CHRD: variants seen among roughly 807,000 people sequenced by gnomAD.
CHRD encodes the protein chordin.
In CHRD, 69 loss-of-function variants were observed where a neutral mutation model predicts 113.7. That is an observed-to-expected ratio of 0.61 (90% CI 0.50 to 0.74). The LOEUF (loss-of-function observed/expected upper bound fraction) is 0.74. Among genes scored for constraint, CHRD ranks in the 30% least tolerant of loss-of-function variants. The pLI, the probability that CHRD is intolerant of heterozygous loss-of-function variation, is 0.00. For missense variants in CHRD, 1,194 were observed against 1,295.8 expected (o/e 0.92, Z 1.21); for synonymous variants, 561 against 540.8 (o/e 1.04, Z -0.52).
rs796755397 is a variant in CHRD, at chr3:184,386,823, A to G, written c.2197-22A>G. ...GCAAGGGGCCTGGACACTCCCGTCA[A>G]TGCCTCTGCTCCTCTCTGCAGAGAC... On this transcript the variant is annotated intron_variant, in intron 16 of 22. Coordinates refer to ENST00000204604, the Ensembl canonical transcript of CHRD. 1.9e-6 allele frequency: 3 copies of G among 1,614,064 alleles called. No individual in the cohort carries two copies. In the African/African-American group the frequency reaches 4.0e-5, roughly 22 times the overall value.
intron 22 of CHRD, 41 bp downstream of exon 22, chr3:184,389,036 G>A (rs1289038548): frequency 1.4e-6 from 2 of 1,387,324 alleles, no homozygotes; most frequent in Non-Finnish European, 1.0e-6. Flanking sequence ...TGAGTGGAGG[G>A]CTCACCTGCC....
chr3:184,386,791 A>G (rs376933704), intron 16 of CHRD, 36 bp downstream of exon 16: 11 of 1,613,554 alleles, frequency 6.8e-6, no homozygotes, highest in Middle Eastern at 1.6e-4. Flanking sequence ...GGGTCCTGGG[A>G]TCTGGAGCAA....
At position 184,381,360 on chromosome 3, in the gene CHRD, C is replaced by T. The variant is rs544184044; in HGVS notation, c.378C>T (p.Pro126=). The change falls in exon 3 of 23, where the codon CCC becomes CCT. Residue 126 remains proline, a synonymous_variant. Transcript: ENST00000204604. This position sits in a 1 kb window ranked among gnomAD's most constrained non-coding sequence, Gnocchi z 4.7. ...CGGGACACTGCTGCCAGACCTGCCC[C>T]CAGGGTAAGTCTTGCTCCGCCCTGC... 3 of 1,593,892 alleles carry T rather than the reference C, an allele frequency of 1.9e-6. No homozygotes were observed. The highest frequency in any genetic ancestry group is 2.2e-5 in the South Asian group (2 of 89,098).
In CHRD at chr3:184,383,176, G is replaced by C. The variant is rs773004103; in HGVS notation, c.1213+13G>C. On this transcript the variant is annotated intron_variant, in intron 10 of 22. Transcript: ENST00000204604. The stretch of plus-strand genomic sequence containing the variant: ...AAGAGCTGCGACGGTGAGGCGGGGG[G>C]GGGGCCTGGTGCGCCGGGCATGCAC... The C allele has an allele frequency of 6.3e-7, 1 of 1,595,278 alleles. No individual in the cohort carries two copies. The highest frequency in any genetic ancestry group is 1.3e-5 in the African/African-American group (1 of 74,708).
In CHRD at chr3:184,381,137, G is replaced by A; in HGVS notation, c.253-98G>A. 1 of 1,371,662 alleles carries A rather than the reference G, an allele frequency of 7.3e-7. No individual in the cohort carries two copies. The highest frequency in any genetic ancestry group is 1.0e-6 in the Non-Finnish European group (1 of 966,024). The allele number at this position is 1,371,662 out of a possible 1,614,324, so 85.0% of individuals were successfully genotyped here. The stretch of plus-strand genomic sequence containing the variant: ...GTCTAGGGTCACGCAGCTTGTAAGT[G>A]GCAGAGCTGGCTGACTCTGCGGGAC... On this transcript the variant is annotated intron_variant, in intron 2 of 22. Transcript: ENST00000204604. This position sits in a 1 kb window ranked among gnomAD's most constrained non-coding sequence, Gnocchi z 4.7.
At chr3:184,382,155 AGG>A in intron 6 of CHRD, 135 bp downstream of exon 6, 1 of 1,305,092 alleles carries the variant, frequency 7.7e-7, no homozygotes, top group Non-Finnish European at 1.1e-6. Context: ...ATTTTACAGA[AGG>A]GGGAACTGAG....
At position 184,382,771 on chromosome 3, in the gene CHRD, G is replaced by C. The variant is rs368023006; in HGVS notation, c.979G>C (p.Gly327Arg). Residue 327 changes from glycine (G) to arginine (R), a missense_variant, in exon 8 of 23, where the codon GGG (glycine) becomes CGG (arginine). By Grantham distance (125) the Gly-to-Arg change is moderately radical. Coordinates refer to ENST00000204604, the Ensembl canonical transcript of CHRD. ...CCGAGGGCTGCTGGAACCCAGGAGTGGGGGTAAGTGGGATGGGGGCAAAAC... is the reference window on the plus strand; with the variant it reads ...CCGAGGGCTGCTGGAACCCAGGAGTCGGGGTAAGTGGGATGGGGGCAAAAC... The C allele has an allele frequency of 2.5e-5, 40 of 1,613,702 alleles. No individual in the cohort carries two copies. The highest frequency in any genetic ancestry group is 1.6e-4 in the Middle Eastern group (1 of 6,082).
rs1716028068 is a variant in CHRD, at chr3:184,384,807, C to T, written c.1597+114C>T. On this transcript the variant is annotated intron_variant, in intron 13 of 22. Transcript: ENST00000204604. The surrounding 1 kb of genome is among the most constrained non-coding windows in gnomAD (Gnocchi z 4.4). ...TTTGTGCCTAAGCTCCGGTTGCCAT[C>T]TGAAGGTGGGGACATATAGGGTGGC... 7.2e-7 allele frequency: 1 copy of T among 1,395,312 alleles called. No individual in the cohort carries two copies. Among genetic ancestry groups the T allele is most frequent in the African/African-American group, 1.4e-5 (1 of 69,346 alleles). The allele number at this position is 1,395,312 out of a possible 1,614,324, so 86.4% of individuals were successfully genotyped here.
Position 184,380,830 on chromosome 3 carries a change from G to A in CHRD, c.252+35G>A, listed in dbSNP as rs767385245. On this transcript the variant is annotated intron_variant, in intron 2 of 22. Coordinates refer to ENST00000204604, the Ensembl canonical transcript of CHRD. The surrounding 1 kb of genome is among the most constrained non-coding windows in gnomAD (Gnocchi z 6.3). ...CCCCGCGGCCGGCCCGGGCCCTGGC[G>A]GGTGGGGAGCGCCGGGTCGCGCGGG... 1.3e-6 allele frequency: 2 copies of A among 1,503,258 alleles called. No individual in the cohort carries two copies. The highest frequency in any genetic ancestry group is 1.4e-5 in the African/African-American group (1 of 72,474). 93.1% of individuals were successfully genotyped at this position (1,503,258 alleles called of 1,614,324 possible).
Position 184,388,533 on chromosome 3 carries a change from C to T in CHRD, c.2555-54C>T, listed in dbSNP as rs1716736371. 3 of 1,563,278 alleles carry T rather than the reference C, an allele frequency of 1.9e-6. No individual in the cohort carries two copies. The highest frequency in any genetic ancestry group is 1.4e-5 in the African/African-American group (1 of 73,500). ...GTGCTGGGTATTCAAAGAGAATACT[C>T]ATAAAACCTTGTTGGTCCTCCTGGG... On this transcript the variant is annotated intron_variant, in intron 20 of 22. Transcript: ENST00000204604. This position sits in a 1 kb window ranked among gnomAD's most constrained non-coding sequence, Gnocchi z 6.1.
chr3:184,389,412 A>G, exon 23 of CHRD: 2 of 1,613,634 alleles, frequency 1.2e-6, no homozygotes, highest in Non-Finnish European at 1.7e-6. Context: ...AAAGAAGCCG[A>G]AGGCTCTTAG....
Position 184,384,429 on chromosome 3 carries a change from T to G in CHRD, c.1441-108T>G, listed in dbSNP as rs1417951408. The stretch of plus-strand genomic sequence containing the variant: ...CTGCCAGGTCCTTATCCTGTGTTTC[T>G]GGTGTGTGGAAGTGTGTGTGGGTGG... On this transcript the variant is annotated intron_variant, in intron 12 of 22. Coordinates refer to ENST00000204604, the Ensembl canonical transcript of CHRD. This position sits in a 1 kb window ranked among gnomAD's most constrained non-coding sequence, Gnocchi z 4.4. 1 of 1,259,770 alleles carries G rather than the reference T, an allele frequency of 7.9e-7. No individual in the cohort carries two copies. 78.0% of individuals were successfully genotyped at this position (1,259,770 alleles called of 1,614,324 possible).
Position 184,380,360 on chromosome 3 carries a change from C to A in CHRD, c.42C>A (p.Leu14=). ...CCCCGCCGGCCCCGCTGCTGCTCCT[C>A]GGGCTGCTGCTGCTCGGCTCCCGGC... The change falls in exon 1 of 23, where the codon CTC becomes CTA. Residue 14 remains leucine (L), a synonymous_variant. Transcript: ENST00000204604. The surrounding 1 kb of genome is among the most constrained non-coding windows in gnomAD (Gnocchi z 6.3). 1.5e-6 allele frequency: 2 copies of A among 1,351,812 alleles called. No homozygotes were observed. The highest frequency in any genetic ancestry group is 1.9e-6 in the Non-Finnish European group (2 of 1,041,334). The allele number at this position is 1,351,812 out of a possible 1,614,324, so 83.7% of individuals were successfully genotyped here. A position where few individuals can be genotyped will look rare whatever the true frequency, so the allele number is the denominator to read the frequency against.
chr3:184,380,402 C>T lies in CHRD; in HGVS notation c.84C>T (p.Gly28=), dbSNP rs1365540831. 7.5e-7 allele frequency: 1 copy of T among 1,342,218 alleles called. No individual in the cohort carries two copies. The highest frequency in any genetic ancestry group is 9.6e-7 in the Non-Finnish European group (1 of 1,037,880). 83.1% of individuals were successfully genotyped at this position (1,342,218 alleles called of 1,614,324 possible). A position where few individuals can be genotyped will look rare whatever the true frequency, so the allele number is the denominator to read the frequency against. Reference sequence around the variant, plus strand: ...GCTCCCGGCCGGCCCGCGGCGCCGGCCCAGAGCCCCCCGTGCTGCCCATCC... The same window carrying T: ...GCTCCCGGCCGGCCCGCGGCGCCGGTCCAGAGCCCCCCGTGCTGCCCATCC... The change falls in exon 1 of 23, where the codon GGC becomes GGT. Residue 28 remains glycine, a synonymous_variant. Transcript: ENST00000204604. The surrounding 1 kb of genome is among the most constrained non-coding windows in gnomAD (Gnocchi z 6.3).
At chr3:184,385,353 G>A in intron 14 of CHRD, 115 bp downstream of exon 14, 1 of 732,810 alleles carries the variant, frequency 1.4e-6, no homozygotes, top group South Asian at 1.7e-5. Flanking sequence ...AGAAGAGCTG[G>A]CATAAATAAA....
At chr3:184,385,035 G>A (rs1176833823) in exon 14 of CHRD, 1 of 1,613,840 alleles carries the variant, frequency 6.2e-7, no homozygotes, top group Non-Finnish European at 8.5e-7. Context: ...CGTGCCCCTA[G>A]CAGGAGCCCT....
At position 184,381,337 on chromosome 3, in the gene CHRD, G is replaced by A; in HGVS notation, c.355G>A (p.Gly119Arg). Reference sequence around the variant, plus strand: ...CTGTGGGCAGCCGCGCCAGCTGCCGGGACACTGCTGCCAGACCTGCCCCCA... The same window carrying A: ...CTGTGGGCAGCCGCGCCAGCTGCCGAGACACTGCTGCCAGACCTGCCCCCA... Residue 119 changes from glycine to arginine, a missense_variant, in exon 3 of 23, where the codon GGA (glycine) becomes AGA (arginine). Coordinates refer to ENST00000204604, the Ensembl canonical transcript of CHRD. This position sits in a 1 kb window ranked among gnomAD's most constrained non-coding sequence, Gnocchi z 4.7. 6.2e-7 allele frequency: 1 copy of A among 1,602,884 alleles called. No homozygotes were observed. Among genetic ancestry groups the A allele is most frequent in the Middle Eastern group, 1.7e-4 (1 of 6,048 alleles).
rs898256931 is a variant in CHRD, at chr3:184,381,101, T to C, written c.253-134T>C. On this transcript the variant is annotated intron_variant, in intron 2 of 22. Coordinates refer to ENST00000204604, the Ensembl canonical transcript of CHRD. The surrounding 1 kb of genome is among the most constrained non-coding windows in gnomAD (Gnocchi z 4.7). The stretch of plus-strand genomic sequence containing the variant: ...ACAGGGACCTTGAGGCCCAGAGAGA[T>C]GAAGTAGCTTGTCTAGGGTCACGCA... 1.5e-5 allele frequency: 15 copies of C among 998,618 alleles called. No individual in the cohort carries two copies. The African/African-American group carries it at 2.1e-4, about 14-fold the overall frequency. 61.9% of individuals were successfully genotyped at this position (998,618 alleles called of 1,614,324 possible). A position where few individuals can be genotyped will look rare whatever the true frequency, so the allele number is the denominator to read the frequency against.
Position 184,387,307 on chromosome 3 carries a change from C to T in CHRD, c.2348-67C>T. The T allele has an allele frequency of 1.3e-6, 2 of 1,537,544 alleles. No individual in the cohort carries two copies. Among genetic ancestry groups the T allele is most frequent in the Non-Finnish European group, 8.8e-7 (1 of 1,135,952 alleles). ...GCTCGTGTGGGGGTGGCCTGAGGCT[C>T]AAGCCTTGGTTGTGGGCCCAGCTGA... On this transcript the variant is annotated intron_variant, in intron 18 of 22. Transcript: ENST00000204604. The surrounding 1 kb of genome is among the most constrained non-coding windows in gnomAD (Gnocchi z 6.1).
Sources: allele counts gnomAD v4.1 joint callset, GRCh38; gene constraint gnomAD v4.1.1; non-coding constraint Gnocchi (gnomAD v3.1); transcripts MANE v1.5; gene names NCBI Gene and HGNC (gene_info 2026-07-23, HGNC 2026-07-21).